KIF26B: variants seen among roughly 807,000 people sequenced by gnomAD.
KIF26B encodes kinesin family member 26B, also known as kinesin-like protein KIF26B.
In KIF26B, 63 loss-of-function variants were observed where a neutral mutation model predicts 151.2. The ratio of observed to expected loss-of-function variants is 0.42; its 90% CI spans 0.34 to 0.51. KIF26B has a LOEUF of 0.51. KIF26B is among the 20% of genes least tolerant of loss of function. The pLI is 0.07. For synonymous variants in KIF26B, 1,357 were observed against 1,262.1 expected (o/e 1.08, Z -1.59); for missense variants, 2,813 against 2,913.6 (o/e 0.97, Z 0.79).
chr1:245,687,882 C>A lies in KIF26B; in HGVS notation c.4899C>A (p.Phe1633Leu), dbSNP rs779023833. 3.8e-6 allele frequency: 6 copies of A among 1,591,918 alleles called. No individual in the cohort carries two copies. Among genetic ancestry groups the A allele is most frequent in the Non-Finnish European group, 4.3e-6 (5 of 1,170,796 alleles). Residue 1633 changes from phenylalanine to leucine, a missense_variant, in exon 12 of 15, where the codon TTC (phenylalanine) becomes TTA (leucine). Around this residue, in one of 3 missense-constraint regions of KIF26B, gnomAD observed 2,060 missense variants for 2,088.6 expected, o/e 0.99. Coordinates refer to ENST00000407071, the MANE Select transcript of KIF26B (RefSeq NM_018012.4). The surrounding 1 kb of genome is among the most constrained non-coding windows in gnomAD (Gnocchi z 4.9). ...TSSPLNQPAA[F>L]PAGLPDEPSG... ...GCCCCCTGAACCAACCAGCCGCCTT[C>A]CCGGCGGGCCTCCCAGACGAGCCTA...
chr1:245,392,522 AT>A (rs1354770010), intron 3 of KIF26B, among the ~76,000 whole-genome samples: 1 of 152,110 alleles, frequency 6.6e-6, no homozygotes, highest in Non-Finnish European at 1.5e-5. Context: ...GTTAGATGTC[AT>A]TTTCCTCAGA....
In KIF26B at chr1:245,601,059, C is replaced by T. The variant is rs1259451353; in HGVS notation, c.1351-1518C>T. Among the ~76,000 whole-genome samples the T allele has an allele frequency of 6.6e-6, 1 of 152,128 alleles. No homozygotes were observed. The highest frequency in any genetic ancestry group is 1.5e-5 in the Non-Finnish European group (1 of 68,030). On this transcript the variant is annotated intron_variant, in intron 5 of 14. Transcript: ENST00000407071. This position sits in a 1 kb window ranked among gnomAD's most constrained non-coding sequence, Gnocchi z 4.4. ...GAGCATTGGGAGGATTAAATGAGAT[C>T]GTGTAGATAACAGCATAGTCCTGGC...
At chr1:245,355,776 G>GC (rs1437714852) in intron 2 of KIF26B, among the ~76,000 whole-genome samples, 1 of 152,282 alleles carries the variant, frequency 6.6e-6, no homozygotes, top group African/African-American at 2.4e-5. Context: ...ATAAGCAGCA[G>GC]CCCCCACGCT....
rs1558234397 is a variant in KIF26B, at chr1:245,607,546, G to C, written c.1558-105G>C. ...AGGCCAACCCACCTGGGAACACAGTGACACTGGGACCCGAAGCCCCAGGAA... is the reference window on the plus strand; with the variant it reads ...AGGCCAACCCACCTGGGAACACAGTCACACTGGGACCCGAAGCCCCAGGAA... On this transcript the variant is annotated intron_variant, in intron 6 of 14. Transcript: ENST00000407071. 6 of 856,980 alleles carry C rather than the reference G, an allele frequency of 7.0e-6. No homozygotes were observed. In the South Asian group the frequency reaches 1.1e-4, roughly 16 times the overall value. 53.1% of individuals were successfully genotyped at this position (856,980 alleles called of 1,614,324 possible).
intron 4 of KIF26B, among the ~76,000 whole-genome samples, chr1:245,535,208 G>A (rs1354960324): frequency 6.6e-6 from 1 of 151,990 alleles, no homozygotes; most frequent in African/African-American, 2.4e-5. Context: ...TATATGAAAA[G>A]AACTGAAGCT....
At chr1:245,326,503 G>T (rs529172610) in intron 2 of KIF26B, among the ~76,000 whole-genome samples, 2 of 152,148 alleles carry the variant, frequency 1.3e-5, no homozygotes, top group Non-Finnish European at 2.9e-5. Context: ...CCCCAGGACC[G>T]CCAGGCAAAG....
chr1:245,592,678 A>G (rs2043301248), intron 5 of KIF26B, among the ~76,000 whole-genome samples: 1 of 146,656 alleles, frequency 6.8e-6, no homozygotes, highest in African/African-American at 2.5e-5. Flanking sequence ...CAAACTCAGC[A>G]TGGAATCATA....
At chr1:245,382,811 A>C (rs1028304539) in intron 3 of KIF26B, among the ~76,000 whole-genome samples, 17 of 151,108 alleles carry the variant, frequency 1.1e-4, no homozygotes, top group Admixed American at 3.3e-4. Flanking sequence ...CAGGTGATCC[A>C]CCCTCCTCGG....
chr1:245,605,164 C>T (rs1438159678), intron 6 of KIF26B, among the ~76,000 whole-genome samples: 1 of 149,856 alleles, frequency 6.7e-6, no homozygotes, highest in East Asian at 1.9e-4. Context: ...CAATGTTCCT[C>T]ATCAGGCCGT....
intron 10 of KIF26B, chr1:245,676,122 TG>T (rs1356554822): frequency 6.6e-6 from 1 of 152,226 alleles, no homozygotes; most frequent in African/African-American, 2.4e-5. Flanking sequence ...TTTTCAATCT[TG>T]ACAGAATTGT....
chr1:245,363,632 A>C (rs1322985057), intron 2 of KIF26B, among the ~76,000 whole-genome samples: 1 of 152,188 alleles, frequency 6.6e-6, no homozygotes, highest in African/African-American at 2.4e-5. Flanking sequence ...TTTATGTATA[A>C]TGTGTGGATA....
At chr1:245,408,648 T>C (rs1185302523) in intron 3 of KIF26B, among the ~76,000 whole-genome samples, 1 of 152,178 alleles carries the variant, frequency 6.6e-6, no homozygotes, top group African/African-American at 2.4e-5. Flanking sequence ...AGCCACCGCG[T>C]CCGGCCCCAA....
At chr1:245,693,854 G>A (rs934812123) in intron 12 of KIF26B, among the ~76,000 whole-genome samples, 10 of 152,220 alleles carry the variant, frequency 6.6e-5, no homozygotes, top group South Asian at 2.1e-4. Flanking sequence ...AAGGCAAGCC[G>A]CTTGCTGTCA....
At chr1:245,380,636 G>C (rs1219060782) in intron 3 of KIF26B, among the ~76,000 whole-genome samples, 1 of 152,208 alleles carries the variant, frequency 6.6e-6, no homozygotes, top group East Asian at 1.9e-4. Context: ...CGGCTAGGAA[G>C]TGACAGCGAT....
chr1:245,486,596 A>G lies in KIF26B; in HGVS notation c.1167-54171A>G, dbSNP rs1660285948. ...AGTGCTCACAGCAATCCAGTAAAGT[A>G]GTTATTACTTTATGGGTGAAGAAAT... is the stretch of plus-strand genomic sequence containing the variant. On this transcript the variant is annotated intron_variant, in intron 4 of 14. Transcript: ENST00000407071. 3.3e-5 allele frequency among the ~76,000 whole-genome samples: 5 copies of G among 152,214 alleles called. 1 individual carries two copies. Among genetic ancestry groups the G allele is most frequent in the Admixed American group, 2.0e-4 (3 of 15,282 alleles).
In KIF26B at chr1:245,472,227, C is replaced by T. The variant is rs951927275; in HGVS notation, c.1166+52482C>T. ...CAGGCCTGTCTCCACTTATGTGAGA[C>T]GTACAGAAACACACAGCGCCTTGCC... On this transcript the variant is annotated intron_variant, in intron 4 of 14. Transcript: ENST00000407071. 2.0e-5 allele frequency among the ~76,000 whole-genome samples: 3 copies of T among 152,304 alleles called. No homozygotes were observed. In the East Asian group the frequency reaches 5.8e-4, roughly 29 times the overall value.
At chr1:245,221,572 A>G (rs1371893363) in intron 2 of KIF26B, among the ~76,000 whole-genome samples, 1 of 150,436 alleles carries the variant, frequency 6.6e-6, no homozygotes, top group East Asian at 1.9e-4. Context: ...ACGTCCGGCT[A>G]ATTTTTGTAT....
At chr1:245,661,255 T>G (rs1464267916) in intron 10 of KIF26B, among the ~76,000 whole-genome samples, 1 of 152,108 alleles carries the variant, frequency 6.6e-6, no homozygotes, top group Non-Finnish European at 1.5e-5. Flanking sequence ...CCCAAAGTGC[T>G]GGAATTACAG....
At position 245,602,806 on chromosome 1, in the gene KIF26B, G is replaced by A. The variant is rs761493437; in HGVS notation, c.1557+23G>A. 1.2e-6 allele frequency: 2 copies of A among 1,610,304 alleles called. No homozygotes were observed. The highest frequency in any genetic ancestry group is 1.7e-6 in the Non-Finnish European group (2 of 1,177,948). ...CAGGTGGGTATCAGCCCCCTCTCAG[G>A]CTCAGGCAACGTTGATGAAAGGGCA... is the stretch of plus-strand genomic sequence containing the variant. On this transcript the variant is annotated intron_variant, in intron 6 of 14. Transcript: ENST00000407071. The surrounding 1 kb of genome is among the most constrained non-coding windows in gnomAD (Gnocchi z 4.5).
Sources: allele counts gnomAD v4.1 joint callset (sites outside exome capture counted in the v4.1 genomes callset), GRCh38; gene constraint gnomAD v4.1.1; regional missense constraint gnomAD v4.1.1; non-coding constraint Gnocchi (gnomAD v3.1); transcripts MANE v1.5; gene names NCBI Gene and HGNC (gene_info 2026-07-23, HGNC 2026-07-21).